The following MANBA variants were observed in gnomAD, a reference collection of about 807,000 sequenced individuals.
MANBA encodes beta-mannosidase.
Under a neutral mutation model 111.1 loss-of-function variants are expected in MANBA, and 83 were observed. The ratio of observed to expected loss-of-function variants is 0.75; its 90% CI spans 0.63 to 0.90. The LOEUF (loss-of-function observed/expected upper bound fraction) is 0.90, where lower values mean the gene tolerates loss of function less well. MANBA is among the 40% of genes least tolerant of loss of function. The pLI is 0.00. For synonymous variants in MANBA, 370 were observed against 378.7 expected (o/e 0.98, Z 0.27); for missense variants, 1,036 against 1,069.0 (o/e 0.97, Z 0.43).
intron 1 of MANBA, chr4:102,752,747 T>C (rs959114903): frequency 2.7e-6 from 1 of 375,506 alleles, no homozygotes; most frequent in Non-Finnish European, 5.2e-6. Context: ...TTGAAATTTA[T>C]ATAATGTTTT....
chr4:102,691,837 T>C (rs1732491477), intron 5 of MANBA, among the ~76,000 whole-genome samples: 1 of 152,146 alleles, frequency 6.6e-6, no homozygotes, highest in African/African-American at 2.4e-5. Flanking sequence ...AAGTGGTATC[T>C]AGCTGAGACC....
rs765615655 is a variant in MANBA at position 102,634,851 on chromosome 4, C to T, written c.2352G>A (p.Pro784=). Residue 784 remains proline (P), a synonymous_variant, in exon 16 of 17, where the codon CCG becomes CCA. Transcript: ENST00000647097. ...GTGAGGACAAGAAGTGGTAGTTGGT[C>T]GGGCTCAGGAGTTCATGGTCAGCTG... ...YLSADHELLS[P]TNYHFLSSPK... 44 of 1,614,042 alleles carry T rather than the reference C, an allele frequency of 2.7e-5. No homozygotes were observed. The highest frequency in any genetic ancestry group is 2.7e-5 in the African/African-American group (2 of 74,938).
Position 102,671,407 on chromosome 4 carries a change from G to C in MANBA, c.1113-9C>G. On this transcript the variant is annotated splice_polypyrimidine_tract_variant and intron_variant, in intron 8 of 16. Coordinates refer to ENST00000647097, the MANE Select transcript of MANBA (RefSeq NM_005908.4). ...GTAAAAGGAGCCGTAACCTGTAGAA[G>C]ACATTTTAGAAACAAATCATAATTT... 6.8e-7 allele frequency: 1 copy of C among 1,475,636 alleles called. No individual in the cohort carries two copies. The highest frequency in any genetic ancestry group is 1.7e-5 in the Admixed American group (1 of 59,652). The allele number at this position is 1,475,636 out of a possible 1,614,324, so 91.4% of individuals were successfully genotyped here.
chr4:102,650,460 A>G, intron 13 of MANBA, 77 bp downstream of exon 13: 1 of 1,415,718 alleles, frequency 7.1e-7, no homozygotes, highest in Non-Finnish European at 1.0e-6. Context: ...TTTTCACCAT[A>G]TATGGCCTAC....
chr4:102,714,481 A>G lies in MANBA; in HGVS notation c.630T>C (p.Tyr210=). Residue 210 remains tyrosine (Y), a synonymous_variant, in exon 5 of 17, where the codon TAT becomes TAC. Transcript: ENST00000647097. ...TGAAGTAGTTCAGGTGACAAATATT[A>G]TAGGCTTCAATTCTAACATCTTTCC... ...GIWKDVRIEA[Y]NICHLNYFTF... 1 of 1,604,356 alleles carries G rather than the reference A, an allele frequency of 6.2e-7. No homozygotes were observed. The highest frequency in any genetic ancestry group is 1.1e-5 in the South Asian group (1 of 90,860).
chr4:102,721,329 C>CATAA (rs57059616), intron 4 of MANBA, among the ~76,000 whole-genome samples: 5,091 of 151,110 alleles, frequency 0.034, 134 homozygotes, highest in African/African-American at 0.078. Context: ...ATCTCAAATA[C>CATAA]ATAAATAAAT....
At chr4:102,664,875 A>C in intron 10 of MANBA, 23 bp from the exon 11 acceptor site, 1 of 1,549,040 alleles carries the variant, frequency 6.5e-7, no homozygotes, top group Admixed American at 1.7e-5. Context: ...AAAACATAAA[A>C]TGATTTTCAA....
intron 6 of MANBA, among the ~76,000 whole-genome samples, chr4:102,690,128 T>C (rs894717037): frequency 6.6e-6 from 1 of 152,022 alleles, no homozygotes; most frequent in Non-Finnish European, 1.5e-5. Context: ...ATTAGAGGAA[T>C]AGAAAAAAGA....
rs1347981924 is a variant in MANBA at position 102,644,933 on chromosome 4, T to C, written c.1870-5076A>G. On this transcript the variant is annotated intron_variant, in intron 13 of 16. Transcript: ENST00000647097. ...TATTAATTTTTTTAAAAAAAGAAAA[T>C]CAGTTGACCATAAATGTATATTTGT... Among the ~76,000 whole-genome samples, 2 of 151,948 alleles carry C rather than the reference T, an allele frequency of 1.3e-5. 1 individual carries two copies. The highest frequency in any genetic ancestry group is 3.9e-4 in the East Asian group (2 of 5,190).
chr4:102,702,517 A>T (rs1733106879), intron 5 of MANBA, among the ~76,000 whole-genome samples: 1 of 151,900 alleles, frequency 6.6e-6, no homozygotes. Flanking sequence ...GATGATGGTG[A>T]TGTACAGATG....
chr4:102,719,615 T>C (rs1192821052), intron 4 of MANBA, among the ~76,000 whole-genome samples: 1 of 152,220 alleles, frequency 6.6e-6, no homozygotes, highest in Non-Finnish European at 1.5e-5. Context: ...ATTATAGTAA[T>C]AAGCCTCCAA....
intron 4 of MANBA, among the ~76,000 whole-genome samples, chr4:102,721,084 G>A (rs1394080401): frequency 1.3e-5 from 2 of 152,192 alleles, no homozygotes; most frequent in Non-Finnish European, 2.9e-5. Flanking sequence ...AACACTTTGG[G>A]AGGCCGAGGC....
chr4:102,698,002 C>T (rs1732813506), intron 5 of MANBA, among the ~76,000 whole-genome samples: 1 of 151,882 alleles, frequency 6.6e-6, no homozygotes. Flanking sequence ...TATTTCTCCA[C>T]AACCTCTCCA....
chr4:102,680,739 C>A (rs77292006), intron 7 of MANBA, among the ~76,000 whole-genome samples: 1 of 152,216 alleles, frequency 6.6e-6, no homozygotes, highest in Non-Finnish European at 1.5e-5. Flanking sequence ...TATGCAGCAT[C>A]TTTTATCCTG....
chr4:102,754,234 T>C (rs1723919876), intron 1 of MANBA, among the ~76,000 whole-genome samples: 1 of 152,190 alleles, frequency 6.6e-6, no homozygotes, highest in South Asian at 2.1e-4. Context: ...GTACAATGTT[T>C]ATGAAAAGCA....
intron 15 of MANBA, 60 bp downstream of exon 15, chr4:102,635,805 C>T: frequency 5.9e-6 from 9 of 1,516,558 alleles, no homozygotes; most frequent in Non-Finnish European, 7.3e-6. Context: ...TGTAACCAAA[C>T]AACTAAAGAA....
At position 102,668,867 on chromosome 4, in the gene MANBA, G is replaced by T. The variant is rs1239427900; in HGVS notation, c.1317+96C>A. 4 of 957,080 alleles carry T rather than the reference G, an allele frequency of 4.2e-6. No homozygotes were observed. The African/African-American group carries it at 6.5e-5, about 16-fold the overall frequency. 59.3% of individuals were successfully genotyped at this position (957,080 alleles called of 1,614,324 possible). A position where few individuals can be genotyped will look rare whatever the true frequency, so the allele number is the denominator to read the frequency against. On this transcript the variant is annotated intron_variant, in intron 10 of 16. Transcript: ENST00000647097. ...GCTGTGTAATTTTTCATGGGATTTA[G>T]TAGAGAACAAAAACCAAAATGAAGC...
intron 5 of MANBA, among the ~76,000 whole-genome samples, chr4:102,697,196 T>A (rs1400409930): frequency 6.6e-6 from 1 of 152,122 alleles, no homozygotes; most frequent in African/African-American, 2.4e-5. Flanking sequence ...ACCTACCCTC[T>A]CTATGGGTAT....
intron 1 of MANBA, chr4:102,729,927 G>T: frequency 6.9e-7 from 1 of 1,441,102 alleles, no homozygotes; most frequent in Non-Finnish European, 9.7e-7. Context: ...CTGGATGTTG[G>T]GGTCCACCTC....
Sources: gnomAD v4.1 joint callset for allele counts (sites outside exome capture counted in the v4.1 genomes callset) on GRCh38, gnomAD v4.1.1 for gene constraint, MANE v1.5 for transcripts, NCBI Gene and HGNC (gene_info 2026-07-23, HGNC 2026-07-21) for gene names.